The following VWC2 variants were observed in gnomAD, a reference collection of about 807,000 sequenced individuals.
VWC2 encodes the protein von Willebrand factor C domain containing 2.
VWC2 carries 14 observed loss-of-function variants against 29.8 expected under a neutral mutation model. That is an observed-to-expected ratio of 0.47 (90% confidence interval 0.31 to 0.74). The LOEUF is 0.74. Among genes scored for constraint, VWC2 ranks in the 30% least tolerant of loss-of-function variants. The probability of loss-of-function intolerance (pLI) is 0.05; values close to 1 mark genes in which losing one functional copy is unlikely to be tolerated. For synonymous variants in VWC2, 213 were observed against 199.0 expected (o/e 1.07, Z -0.59); for missense variants, 457 against 459.8 (o/e 0.99, Z 0.05).
In VWC2 at chr7:49,921,703, A is replaced by T. The variant is rs1180102658; in HGVS notation, c.*9518A>T. ...AATATGAGACTTGAACATTTTGAAG[A>T]TTCTAATAAATGAATAATTTAATTT... On this transcript the variant is annotated 3_prime_UTR_variant, in exon 4 of 4. Transcript: ENST00000340652. 1 of 152,236 alleles carries T rather than the reference A, an allele frequency of 6.6e-6. No individual in the cohort carries two copies. The highest frequency in any genetic ancestry group is 2.4e-5 in the African/African-American group (1 of 41,466). The allele number at this position is 152,236 out of a possible 1,614,324, so 9.4% of individuals were successfully genotyped here.
intron 2 of VWC2, among the ~76,000 whole-genome samples, chr7:49,794,390 G>T (rs961709342): frequency 2.0e-5 from 3 of 152,136 alleles, no homozygotes; most frequent in African/African-American, 7.2e-5. Flanking sequence ...TCACAGTTGA[G>T]GACATTGAGA....
chr7:49,802,748 G>C lies in VWC2; in HGVS notation c.734G>C (p.Gly245Ala). 1 of 1,614,248 alleles carries C rather than the reference G, an allele frequency of 6.2e-7. No individual in the cohort carries two copies. The change falls in exon 3 of 4, where the codon GGT (glycine) becomes GCT (alanine). Residue 245 changes from glycine to alanine, a missense_variant. Gly to Ala is a moderately conservative substitution (Grantham distance 60). Coordinates refer to ENST00000340652, the MANE Select transcript of VWC2 (RefSeq NM_198570.5). ...GAGAGGTGTCGCTGTGAAGCCAACG[G>C]TGAGGTGCTATGCACAGTGTCAGCG... ...PCERCRCEAN[G>A]EVLCTVSACP...
intron 2 of VWC2, among the ~76,000 whole-genome samples, chr7:49,786,516 G>A (rs1788301878): frequency 1.3e-5 from 2 of 152,098 alleles, no homozygotes; most frequent in South Asian, 4.2e-4. Context: ...AGTATTGCTG[G>A]GTAATAGGTA....
chr7:49,795,281 T>G (rs770748362), intron 2 of VWC2, among the ~76,000 whole-genome samples: 2 of 152,218 alleles, frequency 1.3e-5, no homozygotes, highest in Non-Finnish European at 2.9e-5. Flanking sequence ...GAATCATCAA[T>G]TATTCATTAC....
At chr7:49,906,110 C>T (rs1052243842) in intron 3 of VWC2, among the ~76,000 whole-genome samples, 4 of 152,122 alleles carry the variant, frequency 2.6e-5, no homozygotes, top group Admixed American at 6.5e-5. Context: ...GCTTTGTCTA[C>T]GGAGTAGCCA....
chr7:49,813,699 A>T lies in VWC2; in HGVS notation c.826+10859A>T, dbSNP rs375443305. Among the ~76,000 whole-genome samples, 9 of 152,312 alleles carry T rather than the reference A, an allele frequency of 5.9e-5. 1 individual carries two copies. In the East Asian group the frequency reaches 9.7e-4, roughly 16 times the overall value. The stretch of plus-strand genomic sequence containing the variant: ...TTATGGAAATATATTAACGTGCAAT[A>T]ATACTTTAAAATTGGAAAATATCAG... On this transcript the variant is annotated intron_variant, in intron 3 of 3. Coordinates refer to ENST00000340652, the MANE Select transcript of VWC2 (RefSeq NM_198570.5).
At chr7:49,888,758 A>G (rs1245187922) in intron 3 of VWC2, among the ~76,000 whole-genome samples, 1 of 152,112 alleles carries the variant, frequency 6.6e-6, no homozygotes. Context: ...TAAAAATACA[A>G]AAATTAGCCA....
chr7:49,845,117 C>A (rs188881552), intron 3 of VWC2, among the ~76,000 whole-genome samples: 4 of 152,008 alleles, frequency 2.6e-5, no homozygotes, highest in Non-Finnish European at 4.4e-5. Flanking sequence ...ACAACACACA[C>A]GGGGCCTGTC....
chr7:49,916,940 T>C lies in VWC2; in HGVS notation c.*4755T>C, dbSNP rs1793756427. 6.6e-6 allele frequency: 1 copy of C among 152,222 alleles called. No individual in the cohort carries two copies. Among genetic ancestry groups the C allele is most frequent in the African/African-American group, 2.4e-5 (1 of 41,470 alleles). 9.4% of individuals were successfully genotyped at this position (152,222 alleles called of 1,614,324 possible). On this transcript the variant is annotated 3_prime_UTR_variant, in exon 4 of 4. Transcript: ENST00000340652. Reference sequence around the variant, plus strand: ...AAAAATTGCTTTTAGTGTGAAATTTTTGATGCTGAAGAAAGTTGATTGTAT... The same window carrying C: ...AAAAATTGCTTTTAGTGTGAAATTTCTGATGCTGAAGAAAGTTGATTGTAT...
chr7:49,812,721 C>A (rs1246803262), intron 3 of VWC2, among the ~76,000 whole-genome samples: 2 of 152,170 alleles, frequency 1.3e-5, no homozygotes, highest in South Asian at 2.1e-4. Flanking sequence ...TTGCTACAGC[C>A]TGACATCTGC....
rs145656532 is a variant in VWC2 at position 49,896,848 on chromosome 7, C to T, written c.827-15186C>T. ...TCAATTCATTCAATATGAAATAATTCGCTTGAGAACTATTAAGAAAATTGG... is the reference window on the plus strand; with the variant it reads ...TCAATTCATTCAATATGAAATAATTTGCTTGAGAACTATTAAGAAAATTGG... On this transcript the variant is annotated intron_variant, in intron 3 of 3. Coordinates refer to ENST00000340652, the MANE Select transcript of VWC2 (RefSeq NM_198570.5). Among the ~76,000 whole-genome samples the T allele has an allele frequency of 1.4e-3, 206 of 150,166 alleles. 4 individuals carry two copies. In the East Asian group the frequency reaches 0.033, roughly 24 times the overall value.
chr7:49,786,233 T>C (rs1788294201), intron 2 of VWC2, among the ~76,000 whole-genome samples: 1 of 152,188 alleles, frequency 6.6e-6, no homozygotes, highest in African/African-American at 2.4e-5. Context: ...AAACATGTGG[T>C]ATTTGGTTTT....
chr7:49,821,819 A>C (rs1247033451), intron 3 of VWC2, among the ~76,000 whole-genome samples: 1 of 152,238 alleles, frequency 6.6e-6, no homozygotes. Flanking sequence ...GCAGAGTGTC[A>C]TAAAAACCAT....
intron 2 of VWC2, among the ~76,000 whole-genome samples, chr7:49,793,659 CTAT>C (rs1411313701): frequency 6.6e-6 from 1 of 152,170 alleles, no homozygotes; most frequent in Non-Finnish European, 1.5e-5. Context: ...TAACTGCTGT[CTAT>C]TATTCCATCT....
chr7:49,782,549 A>T lies in VWC2; in HGVS notation c.696+6418A>T, dbSNP rs548392259. Among the ~76,000 whole-genome samples the T allele has an allele frequency of 5.3e-5, 8 of 152,128 alleles. No homozygotes were observed. In the East Asian group the frequency reaches 1.5e-3, roughly 29 times the overall value. On this transcript the variant is annotated intron_variant, in intron 2 of 3. Coordinates refer to ENST00000340652, the MANE Select transcript of VWC2 (RefSeq NM_198570.5). The stretch of plus-strand genomic sequence containing the variant: ...GCCTTGTTTTCTAGTGGTTAAAAAA[A>T]AAAAAGATAATGGGGCCTGGTGTGG...
intron 3 of VWC2, among the ~76,000 whole-genome samples, chr7:49,885,251 AAT>A (rs1416740750): frequency 1.5e-4 from 23 of 152,272 alleles, no homozygotes; most frequent in African/African-American, 5.5e-4. Flanking sequence ...AAAAGCGAGT[AAT>A]ATGTCTCTAG....
chr7:49,888,423 TA>T (rs979636043), intron 3 of VWC2, among the ~76,000 whole-genome samples: 3 of 152,244 alleles, frequency 2.0e-5, no homozygotes, highest in African/African-American at 7.2e-5. Context: ...CTGATTTCAC[TA>T]CATTTTATTC....
intron 3 of VWC2, among the ~76,000 whole-genome samples, chr7:49,880,023 G>A (rs1444493064): frequency 6.6e-6 from 1 of 152,100 alleles, no homozygotes; most frequent in Non-Finnish European, 1.5e-5. Context: ...TGACCAGAGG[G>A]AGCATCATTT....
rs998697015 is a variant in VWC2, at chr7:49,773,924, C to G, written c.-293C>G. On this transcript the variant is annotated 5_prime_UTR_variant, in exon 1 of 4. Coordinates refer to ENST00000340652, the MANE Select transcript of VWC2 (RefSeq NM_198570.5). ...CGGCAGCTGACAGCGCGATGAGCGA[C>G]TCCCCAGAGACGCCCTAGCCCGGTG... 5 of 152,246 alleles carry G rather than the reference C, an allele frequency of 3.3e-5. No individual in the cohort carries two copies. Among genetic ancestry groups the G allele is most frequent in the African/African-American group, 1.2e-4 (5 of 41,420 alleles). 9.4% of individuals were successfully genotyped at this position (152,246 alleles called of 1,614,324 possible).
Sources: allele counts gnomAD v4.1 joint callset (sites outside exome capture counted in the v4.1 genomes callset), GRCh38; gene constraint gnomAD v4.1.1; transcripts MANE v1.5; gene names NCBI Gene and HGNC (gene_info 2026-07-23, HGNC 2026-07-21).